The following CEP112 variants were observed in gnomAD, a reference collection of about 807,000 sequenced individuals.
CEP112 encodes the protein centrosomal protein 112, also known as centrosomal protein of 112 kDa.
In CEP112, 127 loss-of-function variants were observed where a neutral mutation model predicts 153.0. The ratio of observed to expected loss-of-function variants is 0.83; its 90% CI spans 0.72 to 0.96. The LOEUF is 0.96. Ranked by LOEUF, CEP112 falls within the 40% of genes least tolerant of loss-of-function variation. The pLI is 0.00. For synonymous variants in CEP112, 358 were observed against 374.4 expected (o/e 0.96, Z 0.51); for missense variants, 1,089 against 1,101.2 (o/e 0.99, Z 0.16).
chr17:66,142,677 T>A (rs1040230832), intron 4 of CEP112, among the ~76,000 whole-genome samples: 3 of 152,192 alleles, frequency 2.0e-5, no homozygotes, highest in South Asian at 4.1e-4. Context: ...TGGGTTTATT[T>A]CTGGGCTCTT....
At chr17:66,049,174 ACAGACTC>A (rs1197900535) in intron 12 of CEP112, among the ~76,000 whole-genome samples, 1 of 152,272 alleles carries the variant, frequency 6.6e-6, no homozygotes, top group African/African-American at 2.4e-5. Context: ...TGCTACTTGA[ACAGACTC>A]TAATTGACCA....
chr17:66,022,695 C>T (rs1487882789), intron 16 of CEP112, among the ~76,000 whole-genome samples: 9 of 112,534 alleles, frequency 8.0e-5, no homozygotes, highest in African/African-American at 2.5e-4. Context: ...GATGACAGAA[C>T]GAGACTCCGC....
intron 15 of CEP112, among the ~76,000 whole-genome samples, chr17:66,027,979 G>A (rs932754775): frequency 1.7e-5 from 2 of 121,202 alleles, no homozygotes; most frequent in African/African-American, 5.3e-5. Context: ...GAGAAAGAAA[G>A]AGGGAAAGAA....
intron 20 of CEP112, among the ~76,000 whole-genome samples, chr17:65,890,580 A>T (rs2059427856): frequency 1.3e-5 from 2 of 152,096 alleles, no homozygotes; most frequent in South Asian, 4.1e-4. Flanking sequence ...AAGGGTAAGT[A>T]CGCTAGAGTA....
chr17:65,890,425 A>T (rs1253404525), intron 20 of CEP112, among the ~76,000 whole-genome samples: 1 of 152,172 alleles, frequency 6.6e-6, no homozygotes, highest in East Asian at 1.9e-4. Context: ...AACTCAAAGC[A>T]TCTGATGTCT....
chr17:65,638,030 C>T (rs570733184), intron 25 of CEP112, among the ~76,000 whole-genome samples: 1 of 152,316 alleles, frequency 6.6e-6, no homozygotes, highest in African/African-American at 2.4e-5. Context: ...ATTACTTAAG[C>T]TCTTGATGCT....
At chr17:65,638,703 C>T (rs1170657066) in intron 25 of CEP112, among the ~76,000 whole-genome samples, 1 of 152,174 alleles carries the variant, frequency 6.6e-6, no homozygotes, top group Non-Finnish European at 1.5e-5. Flanking sequence ...AACACAGGCA[C>T]CTGTGCTTTC....
intron 24 of CEP112, among the ~76,000 whole-genome samples, chr17:65,682,743 T>C (rs2047594399): frequency 6.6e-6 from 1 of 152,174 alleles, no homozygotes; most frequent in Admixed American, 6.5e-5. Flanking sequence ...TGTTACTCAA[T>C]GTCCCTTGAA....
chr17:65,922,476 C>G (rs2060768856), intron 19 of CEP112, among the ~76,000 whole-genome samples: 1 of 151,784 alleles, frequency 6.6e-6, no homozygotes, highest in South Asian at 2.1e-4. Flanking sequence ...CTTATTGTGT[C>G]TGACTTTCAA....
chr17:66,034,974 A>ATGTGTGTGTGTGTGTGTGTGTGTGTG lies in CEP112; in HGVS notation c.1219-4952_1219-4951insCACACACACACACACACACACACACA, dbSNP rs1568411223. On this transcript the variant is annotated intron_variant, in intron 12 of 26. Transcript: ENST00000535342. The stretch of plus-strand genomic sequence containing the variant: ...CCACCATGCCCAGCTAAGTTTTTGC[A>ATGTGTGTGTGTGTGTGTGTGTGTGTG]TGTATATATATATATATACATATAT... Among the ~76,000 whole-genome samples the ATGTGTGTGTGTGTGTGTGTGTGTGTG allele has an allele frequency of 1.2e-3, 45 of 36,578 alleles. 3 individuals are homozygous for ATGTGTGTGTGTGTGTGTGTGTGTGTG. The highest frequency in any genetic ancestry group is 5.2e-3 in the African/African-American group (44 of 8,534). 24.0% of individuals were successfully genotyped at this position (36,578 alleles called of 152,430 possible). A position where few individuals can be genotyped will look rare whatever the true frequency, so the allele number is the denominator to read the frequency against.
chr17:66,072,325 T>C (rs1166344028), intron 8 of CEP112, among the ~76,000 whole-genome samples: 1 of 152,198 alleles, frequency 6.6e-6, no homozygotes, highest in Non-Finnish European at 1.5e-5. Flanking sequence ...CAGTTTATAC[T>C]CAAGTTTTAC....
intron 20 of CEP112, among the ~76,000 whole-genome samples, chr17:65,864,921 T>A (rs2058433589): frequency 8.9e-4 from 1 of 1,126 alleles, no homozygotes; most frequent in Non-Finnish European, 2.9e-3. Flanking sequence ...CAAGTGTGTG[T>A]GTGTGTGTGT....
rs192674835 is a variant in CEP112 at position 66,187,624 on chromosome 17, A to T, written c.-8-4317T>A. ...GCTCTGGCTTCTCCAGTCAATATGG[A>T]CTCTCCAGTGCTCTTTCCTTAGTCT... is the stretch of plus-strand genomic sequence containing the variant. On this transcript the variant is annotated intron_variant, in intron 1 of 26. Coordinates refer to ENST00000535342, the MANE Select transcript of CEP112 (RefSeq NM_001199165.4). Among the ~76,000 whole-genome samples, 423 of 151,296 alleles carry T rather than the reference A, an allele frequency of 2.8e-3. 1 individual carries two copies. The highest frequency in any genetic ancestry group is 9.5e-3 in the African/African-American group (390 of 41,176).
chr17:65,939,396 G>C (rs1444174167), intron 18 of CEP112, among the ~76,000 whole-genome samples: 1 of 152,048 alleles, frequency 6.6e-6, no homozygotes, highest in African/African-American at 2.4e-5. Context: ...CCGAAAATTG[G>C]TATGGAATCA....
At position 66,093,133 on chromosome 17, in the gene CEP112, A is replaced by G. The variant is rs192974393; in HGVS notation, c.768+3118T>C. 1.0e-3 allele frequency among the ~76,000 whole-genome samples: 156 copies of G among 152,304 alleles called. 1 individual carries two copies. Among genetic ancestry groups the G allele is most frequent in the African/African-American group, 3.5e-3 (147 of 41,556 alleles). ...CAGATTACTTGAGGTCAGGAATTCA[A>G]GACAAGCCTGGACAACATGGTGAAA... is the stretch of plus-strand genomic sequence containing the variant. On this transcript the variant is annotated intron_variant, in intron 8 of 26. Coordinates refer to ENST00000535342, the MANE Select transcript of CEP112 (RefSeq NM_001199165.4).
rs112754152 is a variant in CEP112, at chr17:65,953,275, T to C, written c.1872+8188A>G. Reference sequence around the variant, plus strand: ...TTTAACTGTTTTATGAGAACAGAGATTTAATATGTAGTGTCAAATGGTAGA... The same window carrying C: ...TTTAACTGTTTTATGAGAACAGAGACTTAATATGTAGTGTCAAATGGTAGA... On this transcript the variant is annotated intron_variant, in intron 18 of 26. Transcript: ENST00000535342. Among the ~76,000 whole-genome samples the C allele has an allele frequency of 7.6e-3, 1,165 of 152,320 alleles. 12 individuals carry two copies. Among genetic ancestry groups the C allele is most frequent in the African/African-American group, 0.026 (1,086 of 41,566 alleles).
chr17:66,170,016 C>T (rs1490081354), intron 4 of CEP112, among the ~76,000 whole-genome samples: 1 of 152,150 alleles, frequency 6.6e-6, no homozygotes, highest in Non-Finnish European at 1.5e-5. Flanking sequence ...ATGTCAGCAG[C>T]ATTCCGTTCC....
intron 18 of CEP112, among the ~76,000 whole-genome samples, chr17:65,951,148 T>C (rs1055824955): frequency 6.6e-6 from 1 of 152,160 alleles, no homozygotes; most frequent in Non-Finnish European, 1.5e-5. Flanking sequence ...CAAAATCTCA[T>C]GAAGGGCTTT....
Position 65,760,564 on chromosome 17 carries a change from T to C in CEP112, c.2395-9840A>G, listed in dbSNP as rs778454728. Among the ~76,000 whole-genome samples the C allele has an allele frequency of 3.9e-5, 6 of 152,308 alleles. No homozygotes were observed. In the South Asian group the frequency reaches 1.2e-3, roughly 32 times the overall value. ...TTGATTACATTCGCTGATTTTCAAA[T>C]GTTGAGACAGCCCTGCATAACTGGG... On this transcript the variant is annotated intron_variant, in intron 21 of 26. Transcript: ENST00000535342.
Sources: allele counts gnomAD v4.1 joint callset (sites outside exome capture counted in the v4.1 genomes callset), GRCh38; gene constraint gnomAD v4.1.1; transcripts MANE v1.5; gene names NCBI Gene and HGNC (gene_info 2026-07-23, HGNC 2026-07-21).